The following GRIK4 variants were observed in gnomAD, a reference collection of about 807,000 sequenced individuals.
GRIK4 encodes the protein glutamate ionotropic receptor kainate type subunit 4.
In GRIK4, 40 loss-of-function variants were observed where a neutral mutation model predicts 104.9. The observed-to-expected ratio is 0.38, with a 90% CI of 0.30 to 0.50. The LOEUF (loss-of-function observed/expected upper bound fraction) is 0.50. GRIK4 is among the 20% of genes least tolerant of loss of function. GRIK4 has a pLI of 0.93. For missense variants in GRIK4, 1,047 were observed against 1,308.1 expected (o/e 0.80, Z 3.08); for synonymous variants, 485 against 524.9 (o/e 0.92, Z 1.04).
At chr11:120,677,987 A>C (rs1247410893) in intron 3 of GRIK4, among the ~76,000 whole-genome samples, 2 of 152,214 alleles carry the variant, frequency 1.3e-5, no homozygotes, top group Admixed American at 1.3e-4. Flanking sequence ...GGAGGGACCA[A>C]GGTCACCCAT....
At chr11:120,834,263 G>GGTGT (rs141196181) in intron 7 of GRIK4, among the ~76,000 whole-genome samples, 14,048 of 145,952 alleles carry the variant, frequency 0.096, 704 homozygotes, top group African/African-American at 0.12. Context: ...ACACTTTATA[G>GGTGT]GTGTGTGTGT....
intron 1 of GRIK4, among the ~76,000 whole-genome samples, chr11:120,530,937 A>C (rs7120972): frequency 0.019 from 2,918 of 152,256 alleles, 91 homozygotes; most frequent in African/African-American, 0.066. Flanking sequence ...GCCGGTTCAC[A>C]AAAAGGAGAT....
At chr11:120,754,006 T>G (rs1222855969) in intron 3 of GRIK4, among the ~76,000 whole-genome samples, 1 of 152,186 alleles carries the variant, frequency 6.6e-6, no homozygotes, top group Non-Finnish European at 1.5e-5. Context: ...ATGTACTTTC[T>G]GTGTCTTTAG....
At chr11:120,839,359 C>T (rs1225735664) in intron 8 of GRIK4, among the ~76,000 whole-genome samples, 1 of 152,164 alleles carries the variant, frequency 6.6e-6, no homozygotes, top group Non-Finnish European at 1.5e-5. Flanking sequence ...ACTCATGACT[C>T]AAAACTTTTG....
At chr11:120,962,190 C>A (rs2134733090) in intron 17 of GRIK4, among the ~76,000 whole-genome samples, 1 of 152,276 alleles carries the variant, frequency 6.6e-6, no homozygotes, top group African/African-American at 2.4e-5. Flanking sequence ...GAGGCAAAAC[C>A]AATGACCAAA....
At chr11:120,864,295 C>G (rs982542633) in intron 9 of GRIK4, among the ~76,000 whole-genome samples, 25 of 151,522 alleles carry the variant, frequency 1.6e-4, no homozygotes, top group African/African-American at 6.1e-4. Flanking sequence ...GGCTGGAGTG[C>G]AGTGGCGCGA....
At chr11:120,929,088 T>C (rs938848846) in intron 13 of GRIK4, among the ~76,000 whole-genome samples, 1 of 152,188 alleles carries the variant, frequency 6.6e-6, no homozygotes. Flanking sequence ...TTACTGTTCC[T>C]TTATTCCCTG....
At chr11:120,608,472 G>A (rs1343534260) in intron 1 of GRIK4, among the ~76,000 whole-genome samples, 2 of 152,232 alleles carry the variant, frequency 1.3e-5, no homozygotes, top group Non-Finnish European at 2.9e-5. Flanking sequence ...GTGCACGCAT[G>A]TGTATTTTTC....
chr11:120,521,461 G>A (rs754933481), intron 1 of GRIK4, among the ~76,000 whole-genome samples: 4 of 152,164 alleles, frequency 2.6e-5, no homozygotes, highest in Non-Finnish European at 5.9e-5. Flanking sequence ...AGCTCACAGG[G>A]CCACAAACCT....
intron 3 of GRIK4, among the ~76,000 whole-genome samples, chr11:120,745,588 G>A (rs1398243980): frequency 6.6e-6 from 1 of 152,186 alleles, no homozygotes; most frequent in East Asian, 1.9e-4. Flanking sequence ...ATTCCTAGAA[G>A]TGGAAGATTT....
intron 3 of GRIK4, among the ~76,000 whole-genome samples, chr11:120,705,698 G>A (rs1332642925): frequency 2.6e-5 from 4 of 152,216 alleles, no homozygotes; most frequent in South Asian, 2.1e-4. Context: ...GCAATATTTT[G>A]TAGTTCTTAG....
intron 1 of GRIK4, among the ~76,000 whole-genome samples, chr11:120,577,024 C>T (rs1220997851): frequency 3.9e-5 from 6 of 152,186 alleles, no homozygotes; most frequent in Admixed American, 6.5e-5. Context: ...GCATCTTCTC[C>T]GCTGGATATA....
intron 3 of GRIK4, among the ~76,000 whole-genome samples, chr11:120,800,317 G>C (rs959271636): frequency 6.6e-6 from 1 of 152,174 alleles, no homozygotes; most frequent in Non-Finnish European, 1.5e-5. Context: ...CCAGGGGCCT[G>C]CCAGGGAGGA....
chr11:120,941,080 G>A (rs1372862209), intron 14 of GRIK4, among the ~76,000 whole-genome samples: 3 of 152,208 alleles, frequency 2.0e-5, no homozygotes, highest in African/African-American at 7.2e-5. Flanking sequence ...CCGGTGGGAA[G>A]AGCAGAGGAA....
intron 16 of GRIK4, among the ~76,000 whole-genome samples, chr11:120,960,158 G>A (rs1209657839): frequency 6.6e-6 from 1 of 152,126 alleles, no homozygotes; most frequent in Non-Finnish European, 1.5e-5. Context: ...GTGAAACCCC[G>A]TCTCTACTAA....
At chr11:120,630,878 A>G (rs896440561) in intron 1 of GRIK4, among the ~76,000 whole-genome samples, 2 of 151,888 alleles carry the variant, frequency 1.3e-5, no homozygotes, top group African/African-American at 2.4e-5. Flanking sequence ...TGCTGGATCT[A>G]TTTTTTCTTC....
intron 1 of GRIK4, among the ~76,000 whole-genome samples, chr11:120,558,914 C>A (rs1341575466): frequency 2.6e-5 from 4 of 152,114 alleles, no homozygotes; most frequent in African/African-American, 9.7e-5. Context: ...GTTGGTTTTA[C>A]CCAGACTGCT....
chr11:120,633,081 G>C (rs934142264), intron 1 of GRIK4, among the ~76,000 whole-genome samples: 12 of 152,140 alleles, frequency 7.9e-5, no homozygotes, highest in African/African-American at 2.2e-4. Context: ...AGTGCCCTTT[G>C]CCTTGGGTGG....
chr11:120,607,742 C>T (rs1462452494), intron 1 of GRIK4, among the ~76,000 whole-genome samples: 1 of 152,012 alleles, frequency 6.6e-6, no homozygotes. Context: ...GCCAAAGCCA[C>T]GGGCCCAGAT....
Sources: allele counts gnomAD v4.1 joint callset (sites outside exome capture counted in the v4.1 genomes callset), GRCh38; gene constraint gnomAD v4.1.1; transcripts MANE v1.5; gene names NCBI Gene and HGNC (gene_info 2026-07-23, HGNC 2026-07-21).